Variants in PRMT8 observed in about 807,000 individuals in gnomAD.
The protein encoded by PRMT8 is protein arginine methyltransferase 8, also known as protein arginine N-methyltransferase 8.
A neutral mutation model predicts 47.1 loss-of-function variants in PRMT8; 7 were observed. That is an observed-to-expected ratio of 0.15 (90% CI 0.08 to 0.28). PRMT8 has a LOEUF of 0.28. Among genes scored for constraint, PRMT8 ranks in the 10% least tolerant of loss-of-function variants. The pLI, the probability that PRMT8 is intolerant of heterozygous loss-of-function variation, is 1.00. For synonymous variants in PRMT8, 188 were observed against 186.5 expected, an observed-to-expected ratio of 1.01 and a Z score of -0.07; for missense variants, 237 against 505.4, an observed-to-expected ratio of 0.47 and a Z score of 5.09.
intron 1 of PRMT8, among the ~76,000 whole-genome samples, chr12:3,435,798 G>A (rs1349580784): frequency 1.3e-5 from 2 of 152,126 alleles, no homozygotes; most frequent in Non-Finnish European, 2.9e-5. Context: ...GGGATTACAG[G>A]CGCGAGCCAC....
At chr12:3,399,664 C>A (rs568609370) in intron 1 of PRMT8, among the ~76,000 whole-genome samples, 8 of 152,280 alleles carry the variant, frequency 5.3e-5, no homozygotes, top group Admixed American at 4.6e-4. Flanking sequence ...TAGGGACAAC[C>A]ATTACAGCAT....
intron 1 of PRMT8, among the ~76,000 whole-genome samples, chr12:3,455,166 G>A (rs558585124): frequency 1.3e-5 from 2 of 152,234 alleles, no homozygotes; most frequent in East Asian, 1.9e-4. Flanking sequence ...AGCCCTAACT[G>A]GTAACTGGTC....
intron 6 of PRMT8, among the ~76,000 whole-genome samples, chr12:3,571,229 A>T (rs2137210352): frequency 6.6e-6 from 1 of 152,364 alleles, no homozygotes; most frequent in East Asian, 1.9e-4. Flanking sequence ...AATCTAGGAC[A>T]GATGTACTCT....
intron 1 of PRMT8, among the ~76,000 whole-genome samples, chr12:3,391,208 T>C (rs1008965022): frequency 2.6e-5 from 4 of 152,144 alleles, no homozygotes; most frequent in African/African-American, 9.7e-5. Flanking sequence ...ACAAAGCAGA[T>C]AAAAATGCCT....
chr12:3,450,820 A>G (rs1555080776), intron 1 of PRMT8, among the ~76,000 whole-genome samples: 1 of 152,214 alleles, frequency 6.6e-6, no homozygotes, highest in Non-Finnish European at 1.5e-5. Context: ...TGTTTCATCA[A>G]GGACATTTCC....
intron 7 of PRMT8, among the ~76,000 whole-genome samples, chr12:3,577,331 G>T (rs1866965287): frequency 6.6e-6 from 1 of 152,206 alleles, no homozygotes. Flanking sequence ...CCATTCAGAG[G>T]TAGACGTCTC....
rs1565435884 is a variant in PRMT8 at position 3,541,010 on chromosome 12, C to T, written c.261+219C>T. On this transcript the variant is annotated intron_variant, in intron 2 of 9. Coordinates refer to ENST00000382622, the MANE Select transcript of PRMT8 (RefSeq NM_019854.5). The stretch of plus-strand genomic sequence containing the variant: ...GCAGGTGAAAGTGTGTGTCTGTATA[C>T]TCCACAGCCAGAGAGAGCACACAAG... 1.3e-5 allele frequency among the ~76,000 whole-genome samples: 2 copies of T among 152,168 alleles called. 1 individual carries two copies. The highest frequency in any genetic ancestry group is 4.8e-5 in the African/African-American group (2 of 41,448).
At chr12:3,435,477 T>G (rs1443657920) in intron 1 of PRMT8, among the ~76,000 whole-genome samples, 1 of 151,970 alleles carries the variant, frequency 6.6e-6, no homozygotes, top group Non-Finnish European at 1.5e-5. Flanking sequence ...AAGTGCCATA[T>G]GGCTGTAGAA....
intron 4 of PRMT8, among the ~76,000 whole-genome samples, chr12:3,554,077 C>T (rs1866479585): frequency 6.6e-6 from 1 of 152,186 alleles, no homozygotes; most frequent in Admixed American, 6.5e-5. Flanking sequence ...TGAGCCCCGA[C>T]CCAATGTTTC....
intron 1 of PRMT8, among the ~76,000 whole-genome samples, chr12:3,512,958 G>T (rs1374565457): frequency 1.3e-5 from 2 of 152,186 alleles, no homozygotes; most frequent in Non-Finnish European, 2.9e-5. Context: ...AACGAGGTTT[G>T]TGGGATTCAG....
chr12:3,505,249 G>A (rs1302924830), intron 1 of PRMT8, among the ~76,000 whole-genome samples: 1 of 152,148 alleles, frequency 6.6e-6, no homozygotes, highest in East Asian at 1.9e-4. Context: ...ATTTTTAAAT[G>A]AGCTCACTGT....
intron 9 of PRMT8, 33 bp downstream of exon 9, chr12:3,592,385 G>A (rs1867326467): frequency 6.3e-7 from 1 of 1,590,432 alleles, no homozygotes; most frequent in Non-Finnish European, 8.5e-7. Context: ...ACATAAGGGA[G>A]AAGGGCCCCA....
In PRMT8 at chr12:3,456,639, T is replaced by TGGACA. The variant is rs1367740619; in HGVS notation, c.48+75199_48+75203dup. On this transcript the variant is annotated intron_variant, in intron 1 of 9. Coordinates refer to the PRMT8 transcript ENST00000452611. The surrounding 1 kb of genome is among the most constrained non-coding windows in gnomAD (Gnocchi z 4.2). ...TGAGGATGAAAGGCGAGGGAATGAG[T>TGGACA]GGACAGTGGGGAAGCTGACCTTAAG... 6.6e-6 allele frequency among the ~76,000 whole-genome samples: 1 copy of TGGACA among 152,006 alleles called. No homozygotes were observed. Among genetic ancestry groups the TGGACA allele is most frequent in the Admixed American group, 6.5e-5 (1 of 15,272 alleles).
chr12:3,499,019 C>T (rs376131127), intron 1 of PRMT8, among the ~76,000 whole-genome samples: 20 of 152,210 alleles, frequency 1.3e-4, no homozygotes, highest in African/African-American at 4.8e-4. Flanking sequence ...CTGGTCTCTG[C>T]CTTCATCTTC....
chr12:3,530,553 G>A (rs952953136), intron 1 of PRMT8, among the ~76,000 whole-genome samples: 2 of 152,146 alleles, frequency 1.3e-5, no homozygotes, highest in African/African-American at 4.8e-5. Flanking sequence ...ATCAGCGGCT[G>A]GAGAAAATGA....
upstream of PRMT8, among the ~76,000 whole-genome samples, chr12:3,490,710 AGAGAGAGAG>A (rs1865376857): frequency 6.6e-6 from 1 of 151,038 alleles, no homozygotes; most frequent in African/African-American, 2.4e-5. Context: ...AGAGAGAGAG[AGAGAGAGAG>A]AAAAGGATAA....
At chr12:3,452,389 C>A (rs904389574) in intron 1 of PRMT8, among the ~76,000 whole-genome samples, 6 of 152,070 alleles carry the variant, frequency 3.9e-5, no homozygotes, top group African/African-American at 1.5e-4. Flanking sequence ...TGCAAGAGCA[C>A]AGGAAACTTT....
Position 3,583,215 on chromosome 12 carries a change from T to C in PRMT8, c.979+7T>C. ...AAAATGGGGTTTTCCACAGGTGAGC[T>C]GTTTGTTGCTTCCCAGAGCCTCCTC... is the stretch of plus-strand genomic sequence containing the variant. On this transcript the variant is annotated splice_region_variant and intron_variant, in intron 8 of 9. Transcript: ENST00000382622. The surrounding 1 kb of genome is among the most constrained non-coding windows in gnomAD (Gnocchi z 4.7). 6.2e-7 allele frequency: 1 copy of C among 1,607,048 alleles called. No individual in the cohort carries two copies. The highest frequency in any genetic ancestry group is 8.5e-7 in the Non-Finnish European group (1 of 1,176,502).
chr12:3,395,910 T>C (rs546847436), intron 1 of PRMT8, among the ~76,000 whole-genome samples: 1 of 152,152 alleles, frequency 6.6e-6, no homozygotes, highest in South Asian at 2.1e-4. Context: ...ATTGAGTGCA[T>C]ATATATTTAG....
Sources: gnomAD v4.1 joint callset for allele counts (sites outside exome capture counted in the v4.1 genomes callset) on GRCh38, gnomAD v4.1.1 for gene constraint, Gnocchi (gnomAD v3.1) non-coding constraint, MANE v1.5 for transcripts, NCBI Gene and HGNC (gene_info 2026-07-23, HGNC 2026-07-21) for gene names.